TRRAP: variants seen among roughly 807,000 people sequenced by gnomAD.
TRRAP encodes transformation/transcription domain associated protein.
Under a neutral mutation model 438.8 loss-of-function variants are expected in TRRAP, and 41 were observed. The ratio of observed to expected loss-of-function variants is 0.09; its 90% CI spans 0.07 to 0.12. The LOEUF (loss-of-function observed/expected upper bound fraction) is 0.12. Among genes scored for constraint, TRRAP ranks in the 10% least tolerant of loss-of-function variants. The pLI, the probability that TRRAP is intolerant of heterozygous loss-of-function variation, is 1.00. For synonymous variants in TRRAP, 1,994 were observed against 1,962.9 expected (o/e 1.02, Z -0.42); for missense variants, 3,122 against 5,055.1 (o/e 0.62, Z 11.60).
At position 98,962,354 on chromosome 7, in the gene TRRAP, C is replaced by T. The variant is rs1012143655; in HGVS notation, c.6756C>T (p.Ala2252=). 8 of 1,614,040 alleles carry T rather than the reference C, an allele frequency of 5.0e-6. No homozygotes were observed. Among genetic ancestry groups the T allele is most frequent in the African/African-American group, 4.0e-5 (3 of 74,904 alleles). ...KYEELECLYA[A]VGKVIYEGLT... ...AAGAGCTGGAGTGCCTCTACGCAGC[C>T]GTCGGAAAGGTCATCTATGAAGGGC... The change falls in exon 47 of 73, where the codon GCC becomes GCT. Residue 2252 remains alanine (A), a synonymous_variant. Transcript: ENST00000456197.
In TRRAP at chr7:98,964,911, A is replaced by G. The variant is rs567380809; in HGVS notation, c.6976+136A>G. On this transcript the variant is annotated intron_variant, in intron 48 of 72. Transcript: ENST00000456197. ...TGTTGTTTGGTCGTAAATCGTTACC[A>G]TTTGCTCTTCAATGTAGGGGTTTAA... The G allele has an allele frequency of 6.1e-6, 7 of 1,148,690 alleles. No individual in the cohort carries two copies. The South Asian group carries it at 1.2e-4, about 20-fold the overall frequency. 71.2% of individuals were successfully genotyped at this position (1,148,690 alleles called of 1,614,324 possible). A position where few individuals can be genotyped will look rare whatever the true frequency, so the allele number is the denominator to read the frequency against.
rs57047314 is a variant in TRRAP, at chr7:98,953,031, T to TTGTGTGTG, written c.5464-94_5464-87dup. 105 of 1,170,148 alleles carry TTGTGTGTG rather than the reference T, an allele frequency of 9.0e-5. No homozygotes were observed. The African/African-American group carries it at 9.1e-4, about 10-fold the overall frequency. The allele number at this position is 1,170,148 out of a possible 1,614,324, so 72.5% of individuals were successfully genotyped here. ...CCTCCTTGTAAAACTTCATGTTACA[T>TTGTGTGTG]TGTGTGTGTGTGTGTGTGTGTGTGT... On this transcript the variant is annotated intron_variant, in intron 39 of 72. Coordinates refer to ENST00000456197, the MANE Select transcript of TRRAP (RefSeq NM_001375524.1).
rs972402682 is a variant in TRRAP, at chr7:98,925,235, G to T, written c.2947G>T (p.Ala983Ser). The T allele has an allele frequency of 9.9e-6, 16 of 1,614,084 alleles. No individual in the cohort carries two copies. The highest frequency in any genetic ancestry group is 7.7e-5 in the South Asian group (7 of 91,082). Residue 983 changes from alanine to serine, a missense_variant, in exon 22 of 73, where the codon GCA becomes TCA. Around this residue, in one of 24 missense-constraint regions of TRRAP, gnomAD observed 133 missense variants for 188.6 expected, o/e 0.71. Coordinates refer to ENST00000456197, the MANE Select transcript of TRRAP (RefSeq NM_001375524.1). ...GATGAGCCTGGAGGACAACAAGCACGCACTCTACCAGCTCCTGGCACACCC... is the reference window on the plus strand; with the variant it reads ...GATGAGCCTGGAGGACAACAAGCACTCACTCTACCAGCTCCTGGCACACCC... ...AMMSLEDNKH[A>S]LYQLLAHPNF...
chr7:98,999,633 T>TGACA, intron 67 of TRRAP: 1 of 899,640 alleles, frequency 1.1e-6, no homozygotes. Context: ...GCTGAGTTGG[T>TGACA]GACAGCAATT....
intron 21 of TRRAP, among the ~76,000 whole-genome samples, chr7:98,922,997 G>C (rs1241307086): frequency 6.6e-6 from 1 of 152,078 alleles, no homozygotes; most frequent in South Asian, 2.1e-4. Context: ...ATCTCAGTCA[G>C]CCTGTCCCCC....
At chr7:98,985,073 G>GA (rs761786468) in intron 62 of TRRAP, 29 bp downstream of exon 62, 52 of 1,438,352 alleles carry the variant, frequency 3.6e-5, no homozygotes, top group South Asian at 2.9e-4. Flanking sequence ...AAGGATAAGA[G>GA]AAAAAATGCA....
At chr7:98,918,073 A>C (rs1197558829) in intron 20 of TRRAP, among the ~76,000 whole-genome samples, 1 of 151,312 alleles carries the variant, frequency 6.6e-6, no homozygotes, top group Non-Finnish European at 1.5e-5. Context: ...GCGAGGCATG[A>C]TCACACTGCT....
chr7:98,986,885 G>T (rs73161941), intron 62 of TRRAP, among the ~76,000 whole-genome samples: 4,170 of 152,280 alleles, frequency 0.027, 83 homozygotes, highest in South Asian at 0.055. Flanking sequence ...GTGGTGTGAG[G>T]TAGGGGTCTA....
chr7:98,888,576 C>T (rs1261850404), intron 3 of TRRAP, among the ~76,000 whole-genome samples: 1 of 152,204 alleles, frequency 6.6e-6, no homozygotes, highest in African/African-American at 2.4e-5. Flanking sequence ...TCTTATGCTT[C>T]CTTCTCCATC....
At chr7:98,920,489 A>G (rs756032069) in intron 20 of TRRAP, among the ~76,000 whole-genome samples, 5 of 152,128 alleles carry the variant, frequency 3.3e-5, no homozygotes, top group Admixed American at 2.0e-4. Flanking sequence ...AAAAAAGAAA[A>G]GAAAATAGAC....
At chr7:98,901,707 C>T (rs908952771) in intron 11 of TRRAP, among the ~76,000 whole-genome samples, 1 of 152,128 alleles carries the variant, frequency 6.6e-6, no homozygotes, top group Non-Finnish European at 1.5e-5. Flanking sequence ...CACTACCATG[C>T]CTGGCTAATA....
chr7:99,005,375 G>C lies in TRRAP; in HGVS notation c.10753+27G>C, dbSNP rs751239382. ...TAGGGTTGAGAGCCACAGCTCGCTGGGTACACAGGCAGCTTCACAGGTGGG... is the reference window on the plus strand; with the variant it reads ...TAGGGTTGAGAGCCACAGCTCGCTGCGTACACAGGCAGCTTCACAGGTGGG... On this transcript the variant is annotated intron_variant, in intron 69 of 72. Transcript: ENST00000456197. The surrounding 1 kb of genome is among the most constrained non-coding windows in gnomAD (Gnocchi z 5.1). 15 of 1,609,334 alleles carry C rather than the reference G, an allele frequency of 9.3e-6. No homozygotes were observed. Among genetic ancestry groups the C allele is most frequent in the African/African-American group, 4.0e-5 (3 of 74,800 alleles).
In TRRAP at chr7:98,933,227, C is replaced by T. The variant is rs886343230; in HGVS notation, c.3853-14C>T. 9 of 1,604,948 alleles carry T rather than the reference C, an allele frequency of 5.6e-6. No homozygotes were observed. The highest frequency in any genetic ancestry group is 6.8e-6 in the Non-Finnish European group (8 of 1,175,350). On this transcript the variant is annotated splice_polypyrimidine_tract_variant and intron_variant, in intron 26 of 72. Transcript: ENST00000456197. ...GGCAGCTGGTGAGTGGTGCCTCCTC[C>T]TTGGCTTCCCCAGGTCCTGCAGGAT...
In TRRAP at chr7:98,964,905, G is replaced by A. The variant is rs79568844; in HGVS notation, c.6976+130G>A. ...AAGTCCTGTTGTTTGGTCGTAAATC[G>A]TTACCATTTGCTCTTCAATGTAGGG... On this transcript the variant is annotated intron_variant, in intron 48 of 72. Coordinates refer to ENST00000456197, the MANE Select transcript of TRRAP (RefSeq NM_001375524.1). The A allele has an allele frequency of 1.4e-5, 17 of 1,178,522 alleles. 1 individual carries two copies. The highest frequency in any genetic ancestry group is 7.9e-5 in the African/African-American group (5 of 63,672). The allele number at this position is 1,178,522 out of a possible 1,614,324, so 73.0% of individuals were successfully genotyped here.
At chr7:98,972,021 C>G in intron 53 of TRRAP, 76 bp downstream of exon 53, 1 of 1,509,718 alleles carries the variant, frequency 6.6e-7, no homozygotes, top group Non-Finnish European at 8.9e-7. Flanking sequence ...GATCATTCCA[C>G]AGCAGTGTAA....
chr7:98,959,722 G>A (rs1014557398), intron 45 of TRRAP, among the ~76,000 whole-genome samples: 4 of 152,028 alleles, frequency 2.6e-5, no homozygotes, highest in Non-Finnish European at 4.4e-5. Context: ...TTAGGAGTTC[G>A]AGACCAGTCT....
chr7:98,982,283 G>A (rs1026824348), intron 59 of TRRAP, among the ~76,000 whole-genome samples: 1 of 152,112 alleles, frequency 6.6e-6, no homozygotes, highest in African/African-American at 2.4e-5. Context: ...AGCTTTTGGC[G>A]GGAGCTGGAG....
chr7:98,983,172 C>T (rs895376819), intron 59 of TRRAP, 92 bp from the exon 60 acceptor site: 29 of 1,212,340 alleles, frequency 2.4e-5, no homozygotes, highest in Admixed American at 1.1e-4. Context: ...AAGATCTTTG[C>T]GATAATCATG....
chr7:98,932,683 C>G (rs1790377436), intron 26 of TRRAP, among the ~76,000 whole-genome samples: 1 of 152,156 alleles, frequency 6.6e-6, no homozygotes, highest in Non-Finnish European at 1.5e-5. Context: ...TATAATCTCC[C>G]ATATACTTTA....
Sources: allele counts gnomAD v4.1 joint callset (sites outside exome capture counted in the v4.1 genomes callset), GRCh38; gene constraint gnomAD v4.1.1; regional missense constraint gnomAD v4.1.1; non-coding constraint Gnocchi (gnomAD v3.1); transcripts MANE v1.5; gene names NCBI Gene and HGNC (gene_info 2026-07-23, HGNC 2026-07-21).